The following SH3RF3 variants were observed in gnomAD, a reference collection of about 807,000 sequenced individuals.
SH3RF3 encodes SH3 domain containing ring finger 3.
SH3RF3 carries 29 observed loss-of-function variants against 66.3 expected under a neutral mutation model. The ratio of observed to expected loss-of-function variants is 0.44; its 90% CI spans 0.33 to 0.60. The LOEUF is 0.60. SH3RF3 is among the 20% of genes least tolerant of loss of function. The pLI, the probability that SH3RF3 is intolerant of heterozygous loss-of-function variation, is 0.04. For synonymous variants in SH3RF3, 583 were observed against 532.0 expected, an observed-to-expected ratio of 1.10 and a Z score of -1.32; for missense variants, 1,194 against 1,190.9, an observed-to-expected ratio of 1.00 and a Z score of -0.04.
chr2:109,397,571 T>G (rs1676183525), intron 3 of SH3RF3, among the ~76,000 whole-genome samples: 1 of 152,198 alleles, frequency 6.6e-6, no homozygotes, highest in African/African-American at 2.4e-5. Context: ...AGTGGGAAAC[T>G]TCCTCCAGGT....
At chr2:109,261,938 A>C (rs532099523) in intron 1 of SH3RF3, among the ~76,000 whole-genome samples, 1 of 151,938 alleles carries the variant, frequency 6.6e-6, no homozygotes, top group Non-Finnish European at 1.5e-5. Flanking sequence ...TAAGATCTTT[A>C]CTGGATGTGT....
chr2:109,301,920 G>A (rs992997537), intron 1 of SH3RF3, among the ~76,000 whole-genome samples: 2 of 152,180 alleles, frequency 1.3e-5, no homozygotes, highest in Non-Finnish European at 2.9e-5. Flanking sequence ...GTGCGGGACC[G>A]GGGTCCATTT....
At chr2:109,146,483 C>A (rs1677100700) in intron 1 of SH3RF3, among the ~76,000 whole-genome samples, 1 of 148,976 alleles carries the variant, frequency 6.7e-6, no homozygotes, top group Non-Finnish European at 1.5e-5. Flanking sequence ...GCTCATGGGT[C>A]CTGTGAATGT....
intron 3 of SH3RF3, among the ~76,000 whole-genome samples, chr2:109,375,654 A>T (rs1336374990): frequency 6.6e-6 from 1 of 152,204 alleles, no homozygotes; most frequent in Non-Finnish European, 1.5e-5. Flanking sequence ...GAGTGAACTC[A>T]CAGGAGGATG....
intron 1 of SH3RF3, among the ~76,000 whole-genome samples, chr2:109,320,159 C>T (rs767355560): frequency 6.6e-6 from 1 of 152,194 alleles, no homozygotes; most frequent in Non-Finnish European, 1.5e-5. Flanking sequence ...TCTTCTCTCA[C>T]CCCAGTTCTC....
chr2:109,335,964 A>C (rs1325940688), intron 1 of SH3RF3, among the ~76,000 whole-genome samples: 1 of 152,232 alleles, frequency 6.6e-6, no homozygotes, highest in African/African-American at 2.4e-5. Context: ...TATGTCGGTG[A>C]GACTGATAGC....
chr2:109,382,058 CAGTTGCTTATGAGAA>C (rs1675694778), intron 3 of SH3RF3, among the ~76,000 whole-genome samples: 1 of 152,066 alleles, frequency 6.6e-6, no homozygotes, highest in African/African-American at 2.4e-5. Context: ...TTGAGGTCTG[CAGTTGCTTATGAGAA>C]AGGGGTGTTT....
intron 1 of SH3RF3, among the ~76,000 whole-genome samples, chr2:109,244,487 C>T (rs1327999494): frequency 6.6e-6 from 1 of 152,186 alleles, no homozygotes; most frequent in African/African-American, 2.4e-5. Context: ...TACCCCCAAA[C>T]AAATGCCAAA....
At chr2:109,300,339 C>A (rs1296536960) in intron 1 of SH3RF3, among the ~76,000 whole-genome samples, 1 of 152,114 alleles carries the variant, frequency 6.6e-6, no homozygotes, top group Non-Finnish European at 1.5e-5. Context: ...GCCACCATGT[C>A]TGGCTAATTT....
At chr2:109,415,121 C>A (rs1676688290) in intron 4 of SH3RF3, among the ~76,000 whole-genome samples, 1 of 142,848 alleles carries the variant, frequency 7.0e-6, no homozygotes, top group African/African-American at 2.7e-5. Context: ...GGAACGTGGG[C>A]AGCCTCTAGA....
In SH3RF3 at chr2:109,130,023, G is replaced by C; in HGVS notation, c.483G>C (p.Pro161=). ...GGGGGAAGST[P]GSPVFLSAAA... is the part of the protein sequence containing the mutation. ...GGGGCGGCGCGGCAGGCAGCACCCC[G>C]GGTTCCCCGGTTTTCCTCTCCGCGG... The change falls in exon 1 of 10, where the codon CCG becomes CCC. Residue 161 remains proline, a synonymous_variant. Coordinates refer to ENST00000309415, the MANE Select transcript of SH3RF3 (RefSeq NM_001099289.3). The C allele has an allele frequency of 7.5e-7, 1 of 1,324,778 alleles. No individual in the cohort carries two copies. The highest frequency in any genetic ancestry group is 9.6e-7 in the Non-Finnish European group (1 of 1,041,284). 82.1% of individuals were successfully genotyped at this position (1,324,778 alleles called of 1,614,324 possible).
chr2:109,162,659 C>T (rs1250227312), intron 1 of SH3RF3, among the ~76,000 whole-genome samples: 1 of 152,148 alleles, frequency 6.6e-6, no homozygotes, highest in Non-Finnish European at 1.5e-5. Flanking sequence ...CAAGTCTTTG[C>T]TGTTGTGAAT....
intron 8 of SH3RF3, among the ~76,000 whole-genome samples, chr2:109,468,495 G>A (rs963441873): frequency 5.9e-5 from 9 of 152,112 alleles, no homozygotes; most frequent in African/African-American, 2.2e-4. Context: ...CTCAGAGAGG[G>A]CAGGAAGCAA....
chr2:109,287,559 C>G (rs572786324), intron 1 of SH3RF3, among the ~76,000 whole-genome samples: 1 of 152,308 alleles, frequency 6.6e-6, no homozygotes, highest in African/African-American at 2.4e-5. Context: ...CCCCCTTGAC[C>G]CTGTTGGTGC....
intron 1 of SH3RF3, among the ~76,000 whole-genome samples, chr2:109,240,097 T>C (rs1679743499): frequency 6.6e-6 from 1 of 152,186 alleles, no homozygotes; most frequent in Admixed American, 6.5e-5. Context: ...TTGTATTGCA[T>C]AGTGGGTGAA....
intron 2 of SH3RF3, among the ~76,000 whole-genome samples, chr2:109,368,715 A>AG (rs1161276726): frequency 6.6e-6 from 1 of 150,696 alleles, no homozygotes; most frequent in Non-Finnish European, 1.5e-5. Context: ...CTTTAAAAAA[A>AG]AAAAAAAAGA....
At chr2:109,261,961 C>A (rs775562038) in intron 1 of SH3RF3, among the ~76,000 whole-genome samples, 2 of 152,134 alleles carry the variant, frequency 1.3e-5, no homozygotes, top group Non-Finnish European at 2.9e-5. Context: ...CATTCCACTT[C>A]ATTACATCAG....
intron 1 of SH3RF3, among the ~76,000 whole-genome samples, chr2:109,284,508 T>G (rs1203942345): frequency 6.6e-6 from 1 of 152,186 alleles, no homozygotes; most frequent in Non-Finnish European, 1.5e-5. Context: ...TCGTCCAGCC[T>G]TGGAAGCCAC....
chr2:109,298,551 A>G (rs1037876024), intron 1 of SH3RF3, among the ~76,000 whole-genome samples: 29 of 151,930 alleles, frequency 1.9e-4, no homozygotes, highest in African/African-American at 2.4e-4. Flanking sequence ...ACTTTGGCCA[A>G]CTGTTGTCTG....
Sources: gnomAD v4.1 joint callset for allele counts (sites outside exome capture counted in the v4.1 genomes callset) on GRCh38, gnomAD v4.1.1 for gene constraint, MANE v1.5 for transcripts, NCBI Gene and HGNC (gene_info 2026-07-23, HGNC 2026-07-21) for gene names.